Variants in CMC4 observed in about 807,000 individuals in gnomAD.
The protein encoded by CMC4 is C-X9-C motif containing 4.
Under a neutral mutation model 5.1 loss-of-function variants are expected in CMC4, and 4 were observed. The observed-to-expected ratio is 0.78, with a 90% CI of 0.38 to 1.78. CMC4 has a LOEUF of 1.78. Ranked by LOEUF, CMC4 falls within the 40% of genes most tolerant of loss-of-function variation. The pLI is 0.04. For synonymous variants in CMC4, 23 were observed against 18.9 expected (o/e 1.22, Z -0.57); for missense variants, 52 against 51.3 (o/e 1.01, Z -0.04).
rs1557291641 is a variant in CMC4 at position 155,061,906 on chromosome X, G to T, written c.144C>A (p.Val48=). The change falls in exon 3 of 3, where the codon GTC becomes GTA. Residue 48 remains valine (V), a synonymous_variant. Coordinates refer to ENST00000369484, the MANE Select transcript of CMC4 (RefSeq NM_001018024.3). ...CTTCTTTTTCAAATCCTGAACAGAC[G>T]ACAGATCTTCCCTTGGGATACTGAG... The part of the protein sequence containing the change: ...CCAQYPKGRS[V]VCSGFEKEEE... 8.3e-7 allele frequency: 1 copy of T among 1,211,313 alleles called. No individual in the cohort carries two copies. The highest frequency in any genetic ancestry group is 1.8e-5 in the South Asian group (1 of 56,937).
intron 1 of CMC4, among the ~76,000 whole-genome samples, chrX:155,068,258 A>C (rs1015703053): frequency 4.4e-5 from 5 of 112,387 alleles, no homozygotes; most frequent in Admixed American, 9.4e-5. Context: ...ATGCCAGTGG[A>C]ATAGAGGGCA....
chrX:155,065,956 C>T (rs782179292), intron 1 of CMC4: 1 of 1,211,934 alleles, frequency 8.3e-7, no homozygotes, highest in Non-Finnish European at 1.1e-6. Context: ...CGGTAGATAC[C>T]CTCTTGGTGA....
intron 1 of CMC4, among the ~76,000 whole-genome samples, chrX:155,069,330 C>G (rs1236153928): frequency 1.8e-5 from 2 of 112,428 alleles, no homozygotes; most frequent in African/African-American, 6.5e-5. Flanking sequence ...CAGGCCCAGG[C>G]CTGTGTATGA....
In CMC4 at chrX:155,061,967, C is replaced by T; in HGVS notation, c.83G>A (p.Cys28Tyr). The change falls in exon 3 of 3, where the codon TGT becomes TAT. Residue 28 changes from cysteine to tyrosine, a missense_variant. Transcript: ENST00000369484. Reference protein sequence around the residue: ...LQANSYMESKCQAVIQELRKC... With the variant: ...LQANSYMESKYQAVIQELRKC... ...ACGCAGTTCTTGGATGACAGCCTGA[C>T]ACTTTGATTCCATGTAGCTGTTGGC... The T allele has an allele frequency of 8.3e-7, 1 of 1,210,588 alleles. No homozygotes were observed. The highest frequency in any genetic ancestry group is 1.1e-6 in the Non-Finnish European group (1 of 894,985).
At chrX:155,067,076 C>T (rs782336171) in intron 1 of CMC4, among the ~76,000 whole-genome samples, 4 of 111,728 alleles carry the variant, frequency 3.6e-5, no homozygotes, top group East Asian at 2.8e-4. Context: ...ATAGATACGG[C>T]ACTGGGGAGC....
rs180728816 is a variant in CMC4, at chrX:155,066,834, T to G, written c.-10-2801A>C. On this transcript the variant is annotated intron_variant, in intron 1 of 2. Coordinates refer to ENST00000369484, the MANE Select transcript of CMC4 (RefSeq NM_001018024.3). The stretch of plus-strand genomic sequence containing the variant: ...TTTCCATAGAGGACTAGGTTTAAAT[T>G]TTGACTTCCTAAGCCAGAAGACCAG... Among the ~76,000 whole-genome samples, 9 of 111,536 alleles carry G rather than the reference T, an allele frequency of 8.1e-5. No homozygotes were observed. The East Asian group carries it at 2.2e-3, about 28-fold the overall frequency.
At chrX:155,065,078 C>T in intron 1 of CMC4, 1 of 170,165 alleles carries the variant, frequency 5.9e-6, no homozygotes. Context: ...GTAGAAGGTG[C>T]TGACTTTTGT....
Position 155,064,016 on chromosome X carries a change from T to C in CMC4, c.8A>G (p.Gln3Arg), listed in dbSNP as rs782287472. 5 of 1,191,890 alleles carry C rather than the reference T, an allele frequency of 4.2e-6. No homozygotes were observed. The East Asian group carries it at 1.2e-4, about 29-fold the overall frequency. ...GGCTTGCTTCTGGCACGGATCCTTC[T>C]GCGGCATATCCAGAAAACTAAAACA... Reference protein sequence around the residue: MPQKDPCQKQACE... With the variant: MPRKDPCQKQACE... Residue 3 changes from glutamine to arginine, a missense_variant, in exon 2 of 3, where the codon CAG becomes CGG. Coordinates refer to ENST00000369484, the MANE Select transcript of CMC4 (RefSeq NM_001018024.3).
intron 1 of CMC4, among the ~76,000 whole-genome samples, chrX:155,069,187 T>A (rs782008495): frequency 1.1e-4 from 13 of 113,095 alleles, no homozygotes; most frequent in African/African-American, 2.9e-4. Flanking sequence ...GTGTCTTTTT[T>A]AAAAAAGTAT....
At chrX:155,064,685 T>C (rs987157267) in intron 1 of CMC4, 6 of 112,402 alleles carry the variant, frequency 5.3e-5, no homozygotes, top group Admixed American at 4.7e-4. Context: ...AAATGGTTTT[T>C]CTTGAAGTTC....
chrX:155,069,771 G>A (rs1048534618), intron 1 of CMC4, among the ~76,000 whole-genome samples: 2 of 112,096 alleles, frequency 1.8e-5, no homozygotes, highest in African/African-American at 3.2e-5. Context: ...ATGAGCATTA[G>A]AAAAGTTAGT....
At chrX:155,062,089 CT>C in intron 2 of CMC4, 98 bp from the exon 3 acceptor site, 2 of 839,519 alleles carry the variant, frequency 2.4e-6, no homozygotes, top group Non-Finnish European at 3.2e-6. Context: ...CTTTCAGTAC[CT>C]ATGGAACTGG....
chrX:155,064,027 C>T lies in CMC4; in HGVS notation c.-4G>A. On this transcript the variant is annotated 5_prime_UTR_variant, in exon 2 of 3. Transcript: ENST00000369484. ...GGCACGGATCCTTCTGCGGCATATC[C>T]AGAAAACTAAAACAAGAAAAATGAT... 1 of 1,184,099 alleles carries T rather than the reference C, an allele frequency of 8.4e-7. No homozygotes were observed. The highest frequency in any genetic ancestry group is 2.4e-4 in the Middle Eastern group (1 of 4,227).
At chrX:155,067,371 T>C (rs940291314) in intron 1 of CMC4, among the ~76,000 whole-genome samples, 1 of 112,314 alleles carries the variant, frequency 8.9e-6, no homozygotes, top group African/African-American at 3.2e-5. Flanking sequence ...TCAAAACTTA[T>C]GAATTATCTT....
chrX:155,064,095 C>G, intron 1 of CMC4, 62 bp from the exon 2 acceptor site: 1 of 950,226 alleles, frequency 1.1e-6, no homozygotes, highest in Non-Finnish European at 1.5e-6. Flanking sequence ...AGCCCCTCTA[C>G]GTGGAATTTT....
chrX:155,062,155 G>A (rs146163215), intron 2 of CMC4, among the ~76,000 whole-genome samples, 164 bp from the exon 3 acceptor site: 224 of 112,293 alleles, frequency 2.0e-3, no homozygotes, highest in African/African-American at 6.7e-3. Context: ...GAGACCTGTC[G>A]ACAGGTTCGT....
chrX:155,065,469 G>A, intron 1 of CMC4: 1 of 1,195,445 alleles, frequency 8.4e-7, no homozygotes, highest in Non-Finnish European at 1.1e-6. Context: ...GGACAGAGGA[G>A]AAATAGAAAT....
chrX:155,065,080 G>A (rs2073943364), intron 1 of CMC4: 1 of 171,827 alleles, frequency 5.8e-6, no homozygotes, highest in Admixed American at 7.2e-5. Flanking sequence ...AGAAGGTGCT[G>A]ACTTTTGTGG....
At chrX:155,070,397 T>C (rs1417719664) in intron 1 of CMC4, among the ~76,000 whole-genome samples, 3 of 112,039 alleles carry the variant, frequency 2.7e-5, no homozygotes, top group African/African-American at 9.7e-5. Context: ...GACTTGTGAG[T>C]TGGAAGATCT....
Sources: allele counts gnomAD v4.1 joint callset (sites outside exome capture counted in the v4.1 genomes callset), GRCh38; gene constraint gnomAD v4.1.1; transcripts MANE v1.5; gene names NCBI Gene and HGNC (gene_info 2026-07-23, HGNC 2026-07-21).